Variants in PDE1C observed in about 807,000 individuals in gnomAD.
The protein encoded by PDE1C is dual specificity calcium/calmodulin-dependent 3',5'-cyclic nucleotide phosphodiesterase 1C.
PDE1C carries 62 observed loss-of-function variants against 93.1 expected under a neutral mutation model. The ratio of observed to expected loss-of-function variants is 0.67; its 90% CI spans 0.54 to 0.82. PDE1C has a LOEUF of 0.82. Among genes scored for constraint, PDE1C ranks in the 40% least tolerant of loss-of-function variants. The pLI is 0.00. For missense variants in PDE1C, 742 were observed against 884.6 expected, an observed-to-expected ratio of 0.84 and a Z score of 2.04; for synonymous variants, 325 against 310.1, an observed-to-expected ratio of 1.05 and a Z score of -0.50.
chr7:32,368,690 G>A (rs528203158), intron 1 of PDE1C, among the ~76,000 whole-genome samples: 1 of 152,038 alleles, frequency 6.6e-6, no homozygotes, highest in Non-Finnish European at 1.5e-5. Context: ...AGACACAATA[G>A]CCAAAGCAAT....
intron 2 of PDE1C, among the ~76,000 whole-genome samples, chr7:31,895,967 G>A (rs1583840694): frequency 7.7e-6 from 1 of 129,402 alleles, no homozygotes; most frequent in African/African-American, 2.8e-5. Context: ...TTAGCAGCAT[G>A]AGAACAGACT....
At chr7:32,028,708 G>A (rs979096130) in intron 2 of PDE1C, among the ~76,000 whole-genome samples, 13 of 151,958 alleles carry the variant, frequency 8.6e-5, no homozygotes, top group Admixed American at 3.9e-4. Flanking sequence ...TGGTAAGAAC[G>A]TTAGAAATTT....
chr7:32,100,559 C>T (rs902801667), intron 3 of PDE1C, among the ~76,000 whole-genome samples: 1 of 152,162 alleles, frequency 6.6e-6, no homozygotes, highest in Non-Finnish European at 1.5e-5. Flanking sequence ...GTGTAAATGC[C>T]GTTAGAGTCA....
intron 1 of PDE1C, among the ~76,000 whole-genome samples, chr7:32,320,418 C>G (rs979063337): frequency 2.0e-5 from 3 of 152,020 alleles, no homozygotes; most frequent in Non-Finnish European, 4.4e-5. Context: ...GGGCTTCATA[C>G]CTGAATGATG....
chr7:31,619,814 C>T, the PDE1C span, among the ~76,000 whole-genome samples: 2 of 152,180 alleles, frequency 1.3e-5, no homozygotes, highest in Non-Finnish European at 2.9e-5. Flanking sequence ...CATTGCCTCC[C>T]TCGGGAAGCG....
chr7:32,074,052 A>T (rs138064596), upstream of PDE1C, among the ~76,000 whole-genome samples: 374 of 152,312 alleles, frequency 2.5e-3, no homozygotes, highest in African/African-American at 8.8e-3. Flanking sequence ...GTATGCATGC[A>T]TACATACATA....
intron 2 of PDE1C, among the ~76,000 whole-genome samples, chr7:31,998,270 T>C (rs533558403): frequency 2.9e-4 from 44 of 152,236 alleles, no homozygotes; most frequent in Middle Eastern, 3.4e-3. Context: ...TCTCCCGCCT[T>C]GGCCTCCCAA....
At chr7:31,823,013 C>T in intron 14 of PDE1C, 60 bp downstream of exon 14, 1 of 1,405,290 alleles carries the variant, frequency 7.1e-7, no homozygotes, top group Non-Finnish European at 9.6e-7. Context: ...ACACACATAA[C>T]TCAGAGAGGA....
At chr7:32,187,933 C>G (rs922065597) in intron 2 of PDE1C, among the ~76,000 whole-genome samples, 1 of 152,174 alleles carries the variant, frequency 6.6e-6, no homozygotes, top group African/African-American at 2.4e-5. Context: ...CAGGACAGCA[C>G]AGTTCTACAG....
At chr7:32,094,949 C>A (rs1174988927) in intron 3 of PDE1C, among the ~76,000 whole-genome samples, 1 of 152,170 alleles carries the variant, frequency 6.6e-6, no homozygotes, top group Non-Finnish European at 1.5e-5. Flanking sequence ...TCTAGCTATA[C>A]CTTCCTCTTC....
chr7:32,131,494 C>G (rs1799917971), intron 3 of PDE1C, among the ~76,000 whole-genome samples: 2 of 152,090 alleles, frequency 1.3e-5, no homozygotes, highest in Non-Finnish European at 2.9e-5. Flanking sequence ...ATCAGAGCTT[C>G]CTTGAGTCTC....
At chr7:31,775,227 C>A (rs1185576905) in intron 17 of PDE1C, among the ~76,000 whole-genome samples, 2 of 152,148 alleles carry the variant, frequency 1.3e-5, no homozygotes, top group African/African-American at 4.8e-5. Context: ...TAATTCTTAT[C>A]TTCTCCCAAA....
At chr7:31,766,953 G>GT (rs113810509) in intron 17 of PDE1C, among the ~76,000 whole-genome samples, 125 of 152,220 alleles carry the variant, frequency 8.2e-4, no homozygotes, top group African/African-American at 3.0e-3. Context: ...TATGGCAAAA[G>GT]TTTTTTTATG....
At chr7:31,657,888 T>G in the PDE1C span, among the ~76,000 whole-genome samples, 7 of 152,202 alleles carry the variant, frequency 4.6e-5, no homozygotes, top group Admixed American at 6.5e-5. Context: ...TCACACTAAG[T>G]GATTATTTTC....
intron 2 of PDE1C, among the ~76,000 whole-genome samples, chr7:31,901,340 A>G (rs1799956870): frequency 6.6e-6 from 1 of 151,658 alleles, no homozygotes. Context: ...TCTTCCCATT[A>G]AAGGTTCAAT....
intron 17 of PDE1C, among the ~76,000 whole-genome samples, chr7:31,769,349 A>G (rs1453700794): frequency 6.6e-6 from 1 of 152,176 alleles, no homozygotes; most frequent in Non-Finnish European, 1.5e-5. Flanking sequence ...ATAGCATTTA[A>G]GGTTTCCTCA....
Position 32,056,368 on chromosome 7 carries a change from A to AACACACACAC in PDE1C, c.102-4798_102-4789dup, listed in dbSNP as rs375602478. On this transcript the variant is annotated intron_variant, in intron 1 of 17. Transcript: ENST00000396191. ...TCTCTCTCTCTCTCTCTCTCACTGA[A>AACACACACAC]ACACACACACACACACACACACACA... Among the ~76,000 whole-genome samples the AACACACACAC allele has an allele frequency of 2.9e-4, 35 of 119,290 alleles. 1 individual carries two copies. Among genetic ancestry groups the AACACACACAC allele is most frequent in the East Asian group, 1.3e-3 (5 of 3,992 alleles). The allele number at this position is 119,290 out of a possible 152,430, so 78.3% of individuals were successfully genotyped here.
At chr7:31,685,293 C>T in the PDE1C span, among the ~76,000 whole-genome samples, 6 of 152,128 alleles carry the variant, frequency 3.9e-5, no homozygotes, top group South Asian at 2.1e-4. Flanking sequence ...GGCTATATAA[C>T]GGCAAGATAA....
chr7:32,136,346 A>T (rs750203506), intron 3 of PDE1C, among the ~76,000 whole-genome samples: 21 of 148,516 alleles, frequency 1.4e-4, no homozygotes, highest in Non-Finnish European at 2.4e-4. Flanking sequence ...TTATTTATTT[A>T]TTTATTTATT....
Sources: allele counts gnomAD v4.1 joint callset (sites outside exome capture counted in the v4.1 genomes callset), GRCh38; gene constraint gnomAD v4.1.1; transcripts MANE v1.5; gene names NCBI Gene and HGNC (gene_info 2026-07-23, HGNC 2026-07-21).